Variants in PLPPR1 observed in about 807,000 individuals in gnomAD.
The protein encoded by PLPPR1 is phospholipid phosphatase-related protein type 1.
In PLPPR1, 10 loss-of-function variants were observed where a neutral mutation model predicts 33.1. The ratio of observed to expected loss-of-function variants is 0.30; its 90% confidence interval spans 0.19 to 0.51. PLPPR1 has a LOEUF of 0.51. Among genes scored for constraint, PLPPR1 ranks in the 20% least tolerant of loss-of-function variants. The pLI, the probability that PLPPR1 is intolerant of heterozygous loss-of-function variation, is 0.97. For synonymous variants in PLPPR1, 151 were observed against 151.0 expected (o/e 1.00, Z 0.00); for missense variants, 304 against 408.1 (o/e 0.74, Z 2.20).
chr9:101,250,588 G>A (rs867284151), intron 2 of PLPPR1, among the ~76,000 whole-genome samples: 15 of 151,854 alleles, frequency 9.9e-5, no homozygotes, highest in African/African-American at 3.6e-4. Flanking sequence ...GCTCCTCATT[G>A]CTTCTTCCAG....
chr9:101,318,854 C>T (rs1342281845), intron 7 of PLPPR1, among the ~76,000 whole-genome samples: 2 of 151,996 alleles, frequency 1.3e-5, no homozygotes, highest in Non-Finnish European at 2.9e-5. Context: ...GTATAGGTAG[C>T]AAGTAGGAAA....
intron 1 of PLPPR1, among the ~76,000 whole-genome samples, chr9:101,178,260 T>G (rs1394540716): frequency 6.6e-6 from 1 of 152,180 alleles, no homozygotes; most frequent in Non-Finnish European, 1.5e-5. Context: ...CATCATGGAC[T>G]TCCACTCACC....
chr9:101,037,093 T>C (rs1588001988), intron 1 of PLPPR1, among the ~76,000 whole-genome samples: 1 of 152,134 alleles, frequency 6.6e-6, no homozygotes, highest in South Asian at 2.1e-4. Context: ...TTCAGCAGCT[T>C]GTCCATGTTA....
intron 2 of PLPPR1, among the ~76,000 whole-genome samples, chr9:101,248,522 A>G (rs1827655351): frequency 6.6e-6 from 1 of 152,068 alleles, no homozygotes; most frequent in South Asian, 2.1e-4. Flanking sequence ...ATCATTTTCA[A>G]AAGAACCAGA....
At chr9:101,062,350 A>G (rs1417528046) in intron 1 of PLPPR1, among the ~76,000 whole-genome samples, 1 of 152,090 alleles carries the variant, frequency 6.6e-6, no homozygotes, top group Admixed American at 6.6e-5. Flanking sequence ...TTTTCAAATA[A>G]TAATTGTGCA....
chr9:101,315,038 G>A (rs1033336248), intron 6 of PLPPR1, among the ~76,000 whole-genome samples: 2 of 151,744 alleles, frequency 1.3e-5, no homozygotes, highest in Non-Finnish European at 2.9e-5. Context: ...AGCATACAAT[G>A]TATAATGATC....
At chr9:101,186,574 C>T (rs1277628414) in intron 2 of PLPPR1, among the ~76,000 whole-genome samples, 4 of 151,848 alleles carry the variant, frequency 2.6e-5, no homozygotes, top group African/African-American at 7.2e-5. Context: ...AATGTACTTT[C>T]AGTACATCTG....
At chr9:101,144,585 A>T (rs1421877870) in intron 1 of PLPPR1, among the ~76,000 whole-genome samples, 1 of 152,086 alleles carries the variant, frequency 6.6e-6, no homozygotes, top group Admixed American at 6.5e-5. Context: ...TCAGAAAAAA[A>T]CCAAACCTAT....
intron 3 of PLPPR1, among the ~76,000 whole-genome samples, chr9:101,275,934 A>C (rs1328225758): frequency 6.6e-6 from 1 of 152,150 alleles, no homozygotes; most frequent in Non-Finnish European, 1.5e-5. Flanking sequence ...GAAAGGCACA[A>C]TTTGGAGAAA....
At chr9:101,079,969 C>T (rs1830598785) in intron 1 of PLPPR1, among the ~76,000 whole-genome samples, 1 of 152,198 alleles carries the variant, frequency 6.6e-6, no homozygotes, top group South Asian at 2.1e-4. Context: ...TGAAATTTTA[C>T]TGTGAAATTT....
chr9:101,188,149 AGTTTGTTTATGC>A (rs1826235301), intron 2 of PLPPR1: 1 of 152,054 alleles, frequency 6.6e-6, no homozygotes, highest in South Asian at 2.1e-4. Context: ...ACTGAGGGAC[AGTTTGTTTATGC>A]GTTTGTTTGC....
intron 2 of PLPPR1, among the ~76,000 whole-genome samples, chr9:101,213,620 A>G (rs1337463777): frequency 6.6e-6 from 1 of 152,172 alleles, no homozygotes. Context: ...TCTTTAGGAT[A>G]TATCTTAGCA....
At chr9:101,125,991 C>T (rs1831242224) in intron 1 of PLPPR1, 1 of 246,178 alleles carries the variant, frequency 4.1e-6, no homozygotes, top group Non-Finnish European at 7.7e-6. Context: ...TTCAAGATGG[C>T]TTTACTTGTC....
chr9:101,158,140 A>C (rs767363101), intron 1 of PLPPR1, among the ~76,000 whole-genome samples: 9 of 152,220 alleles, frequency 5.9e-5, no homozygotes, highest in Non-Finnish European at 1.3e-4. Flanking sequence ...TTGGCACTTA[A>C]AAGTTTGTTG....
intron 4 of PLPPR1, among the ~76,000 whole-genome samples, chr9:101,299,905 A>C (rs1739268035): frequency 6.6e-6 from 1 of 152,138 alleles, no homozygotes; most frequent in African/African-American, 2.4e-5. Context: ...TGCCAATAGC[A>C]CTCACTCCTC....
At chr9:101,096,482 T>C (rs891313824) in intron 1 of PLPPR1, among the ~76,000 whole-genome samples, 5 of 152,304 alleles carry the variant, frequency 3.3e-5, no homozygotes, top group South Asian at 2.1e-4. Context: ...GTGAAGCATA[T>C]GTATAAACAT....
chr9:101,034,792 CT>C (rs1385793618), intron 1 of PLPPR1, among the ~76,000 whole-genome samples: 1 of 150,362 alleles, frequency 6.7e-6, no homozygotes, highest in Non-Finnish European at 1.5e-5. Context: ...AGATGGTGTG[CT>C]TTTGCATTCA....
intron 2 of PLPPR1, among the ~76,000 whole-genome samples, chr9:101,210,360 C>T (rs1407734958): frequency 1.3e-5 from 2 of 152,098 alleles, no homozygotes; most frequent in African/African-American, 4.8e-5. Flanking sequence ...CTCAGGGGTT[C>T]CCTGGGCTCT....
At chr9:101,043,080 C>T (rs1003515369) in intron 1 of PLPPR1, among the ~76,000 whole-genome samples, 1 of 152,028 alleles carries the variant, frequency 6.6e-6, no homozygotes. Context: ...CCCCCTGAGT[C>T]CCCAAAGTCC....
Sources: gnomAD v4.1 joint callset for allele counts (sites outside exome capture counted in the v4.1 genomes callset) on GRCh38, gnomAD v4.1.1 for gene constraint, MANE v1.5 for transcripts, NCBI Gene and HGNC (gene_info 2026-07-23, HGNC 2026-07-21) for gene names.